ZBTB7C: variants seen among roughly 807,000 people sequenced by gnomAD.
The protein encoded by ZBTB7C is zinc finger and BTB domain containing 7C, also known as zinc finger and BTB domain-containing protein 7C.
Under a neutral mutation model 25.7 loss-of-function variants are expected in ZBTB7C, and 8 were observed. That is an observed-to-expected ratio of 0.31 (90% CI 0.18 to 0.56). The LOEUF (loss-of-function observed/expected upper bound fraction) is 0.56. Among genes scored for constraint, ZBTB7C ranks in the 20% least tolerant of loss-of-function variants. The pLI, the probability that ZBTB7C is intolerant of heterozygous loss-of-function variation, is 0.91. For missense variants in ZBTB7C, 824 were observed against 855.2 expected (o/e 0.96, Z 0.46); for synonymous variants, 394 against 369.0 (o/e 1.07, Z -0.78).
chr18:48,377,203 A>G (rs1253570652), intron 1 of ZBTB7C, among the ~76,000 whole-genome samples: 3 of 152,172 alleles, frequency 2.0e-5, no homozygotes, highest in African/African-American at 4.8e-5. Context: ...CTGTTTGTTC[A>G]TGCTGCAAGT....
chr18:48,297,066 C>A (rs1253043375), intron 2 of ZBTB7C, among the ~76,000 whole-genome samples: 1 of 152,138 alleles, frequency 6.6e-6, no homozygotes, highest in Non-Finnish European at 1.5e-5. Flanking sequence ...GAAAATTTGT[C>A]TTCCACGAAA....
At chr18:48,136,936 C>T in intron 3 of ZBTB7C, 1 of 970,602 alleles carries the variant, frequency 1.0e-6, no homozygotes. Flanking sequence ...CCCCTCCCCA[C>T]GGCCCGGCCG....
rs2035541428 is a variant in ZBTB7C, at chr18:48,026,825, G to A, written c.*2435C>T. ...TTAAAAACCTTAAGACTGGCTTGTT[G>A]CTGTCCTGTGAACTTTCAGAAGTCA... On this transcript the variant is annotated 3_prime_UTR_variant, in exon 5 of 5. Coordinates refer to ENST00000590800, the MANE Select transcript of ZBTB7C (RefSeq NM_001318841.2). The A allele has an allele frequency of 6.7e-6, 1 of 150,100 alleles. No homozygotes were observed. 9.3% of individuals were successfully genotyped at this position (150,100 alleles called of 1,614,324 possible). A position where few individuals can be genotyped will look rare whatever the true frequency, so the allele number is the denominator to read the frequency against.
intron 2 of ZBTB7C, among the ~76,000 whole-genome samples, chr18:48,279,358 A>G (rs575392041): frequency 3.3e-5 from 5 of 152,224 alleles, no homozygotes; most frequent in African/African-American, 1.2e-4. Flanking sequence ...CAACATGGCA[A>G]AAAAAAGGGG....
Position 48,164,017 on chromosome 18 carries a change from C to G in ZBTB7C, c.-17+21917G>C, listed in dbSNP as rs182441254. ...CCACGAAGAGTCCAAGGACAGTGGG[C>G]TCTGAGTACTAATATGCATTTTTAT... On this transcript the variant is annotated intron_variant, in intron 3 of 4. Coordinates refer to ENST00000590800, the MANE Select transcript of ZBTB7C (RefSeq NM_001318841.2). 1.5e-3 allele frequency among the ~76,000 whole-genome samples: 235 copies of G among 152,248 alleles called. 4 individuals carry two copies. Among genetic ancestry groups the G allele is most frequent in the Admixed American group, 0.014 (217 of 15,298 alleles).
At chr18:48,320,368 TG>T (rs1003350228) in intron 2 of ZBTB7C, among the ~76,000 whole-genome samples, 1 of 152,016 alleles carries the variant, frequency 6.6e-6, no homozygotes, top group Non-Finnish European at 1.5e-5. Flanking sequence ...AGTGACATGG[TG>T]GGGAGAGGGC....
intron 3 of ZBTB7C, among the ~76,000 whole-genome samples, chr18:48,159,256 G>A (rs2040929575): frequency 6.6e-6 from 1 of 152,252 alleles, no homozygotes; most frequent in Admixed American, 6.5e-5. Context: ...CCTAGAGTCA[G>A]ACTGCTCTAG....
At position 48,138,959 on chromosome 18, in the gene ZBTB7C, G is replaced by A. The variant is rs1031966714; in HGVS notation, c.-17+46975C>T. On this transcript the variant is annotated intron_variant, in intron 3 of 4. Transcript: ENST00000590800. ...GTGGGTGCAGTGGGGTGCCAACCTC[G>A]GAGCCTCTCTTCTTGTGGGGCAGAT... Among the ~76,000 whole-genome samples the A allele has an allele frequency of 6.6e-5, 10 of 152,296 alleles. No homozygotes were observed. The South Asian group carries it at 8.3e-4, about 13-fold the overall frequency.
chr18:48,081,449 CTTTTTCTTTT>C (rs960471257), intron 3 of ZBTB7C, among the ~76,000 whole-genome samples: 7 of 137,712 alleles, frequency 5.1e-5, no homozygotes, highest in African/African-American at 1.8e-4. Flanking sequence ...TTTTCTTTTT[CTTTTTCTTTT>C]TCTTTTTTTT....
chr18:48,029,849 T>C lies in ZBTB7C; in HGVS notation c.1271A>G (p.His424Arg). The C allele has an allele frequency of 1.2e-6, 2 of 1,610,916 alleles. No individual in the cohort carries two copies. Among genetic ancestry groups the C allele is most frequent in the East Asian group, 4.5e-5 (2 of 44,874 alleles). ...HTGERPYLCIHCNAKFVHNYD... is the reference protein window; with the variant it reads ...HTGERPYLCIRCNAKFVHNYD... Reference sequence around the variant, plus strand: ...GTTGTGCACGAACTTGGCGTTGCAGTGGATGCACAGGTAGGGCCGCTCCCC... The same window carrying C: ...GTTGTGCACGAACTTGGCGTTGCAGCGGATGCACAGGTAGGGCCGCTCCCC... Residue 424 changes from histidine (H) to arginine (R), a missense_variant, in exon 5 of 5, where the codon CAC becomes CGC. Physicochemically the swap from His to Arg is conservative, Grantham distance 29. Transcript: ENST00000590800.
intron 1 of ZBTB7C, among the ~76,000 whole-genome samples, chr18:48,362,784 C>T (rs1293545598): frequency 6.6e-6 from 1 of 152,126 alleles, no homozygotes; most frequent in Admixed American, 6.5e-5. Context: ...GAAGAAGGTA[C>T]AGGAGTTCCT....
chr18:48,105,788 G>C (rs182804889), intron 3 of ZBTB7C, among the ~76,000 whole-genome samples: 3 of 152,086 alleles, frequency 2.0e-5, no homozygotes, highest in African/African-American at 7.2e-5. Flanking sequence ...AAATACTCCC[G>C]GTTCACAAAA....
rs753640250 is a variant in ZBTB7C, at chr18:48,130,304, C to T, written c.-17+55630G>A. On this transcript the variant is annotated intron_variant, in intron 3 of 4. Transcript: ENST00000590800. ...TGGTTGAATGAGTGACATTCTGGGC[C>T]GCTATTAGAAATAATAATAGAAGAA... 2.6e-5 allele frequency among the ~76,000 whole-genome samples: 4 copies of T among 152,110 alleles called. No homozygotes were observed. The East Asian group carries it at 7.7e-4, about 29-fold the overall frequency.
chr18:48,411,765 TC>T (rs1218451027), upstream of ZBTB7C, among the ~76,000 whole-genome samples: 3 of 152,020 alleles, frequency 2.0e-5, no homozygotes, highest in African/African-American at 7.3e-5. Flanking sequence ...TAGTAAAGAG[TC>T]TAGTAAATAG....
chr18:48,201,512 T>G (rs1208966394), intron 2 of ZBTB7C, among the ~76,000 whole-genome samples: 1 of 152,056 alleles, frequency 6.6e-6, no homozygotes, highest in African/African-American at 2.4e-5. Context: ...GGGAGCCCAG[T>G]GACTCATGGC....
At chr18:48,257,713 G>A (rs992361602) in intron 2 of ZBTB7C, among the ~76,000 whole-genome samples, 8 of 151,932 alleles carry the variant, frequency 5.3e-5, no homozygotes, top group Non-Finnish European at 1.0e-4. Context: ...TCAGGACTAA[G>A]TGGTATTTAT....
chr18:48,229,119 T>C (rs929511129), intron 2 of ZBTB7C, among the ~76,000 whole-genome samples: 4 of 152,090 alleles, frequency 2.6e-5, no homozygotes, highest in Non-Finnish European at 5.9e-5. Context: ...CTCATCAAAA[T>C]GCCAAGATTC....
At chr18:48,216,945 A>G (rs1167192949) in intron 2 of ZBTB7C, among the ~76,000 whole-genome samples, 1 of 152,166 alleles carries the variant, frequency 6.6e-6, no homozygotes, top group Non-Finnish European at 1.5e-5. Flanking sequence ...ATCTAGCCTG[A>G]CTGGTGTCCT....
chr18:48,251,582 T>C (rs1034793252), intron 2 of ZBTB7C, among the ~76,000 whole-genome samples: 1 of 152,206 alleles, frequency 6.6e-6, no homozygotes, highest in South Asian at 2.1e-4. Flanking sequence ...AAAAGACTAC[T>C]TGGGGCTAGG....
Sources: allele counts gnomAD v4.1 joint callset (sites outside exome capture counted in the v4.1 genomes callset), GRCh38; gene constraint gnomAD v4.1.1; transcripts MANE v1.5; gene names NCBI Gene and HGNC (gene_info 2026-07-23, HGNC 2026-07-21).